Variants in LRRC4C observed in about 807,000 individuals in gnomAD.
LRRC4C encodes the protein leucine-rich repeat-containing protein 4C.
LRRC4C carries 5 observed loss-of-function variants against 33.6 expected under a neutral mutation model. That is an observed-to-expected ratio of 0.15 (90% CI 0.08 to 0.31). The LOEUF (loss-of-function observed/expected upper bound fraction) is 0.31, where lower values mean the gene tolerates loss of function less well. Ranked by LOEUF, LRRC4C falls within the 10% of genes least tolerant of loss-of-function variation. LRRC4C has a pLI of 1.00. For synonymous variants in LRRC4C, 329 were observed against 302.0 expected (o/e 1.09, Z -0.93); for missense variants, 560 against 796.7 (o/e 0.70, Z 3.58).
chr11:41,247,685 G>A lies in LRRC4C; in HGVS notation c.-496+211746C>T, dbSNP rs1396416718. Among the ~76,000 whole-genome samples the A allele has an allele frequency of 2.0e-5, 3 of 152,282 alleles. No individual in the cohort carries two copies. In the South Asian group the frequency reaches 6.2e-4, roughly 32 times the overall value. On this transcript the variant is annotated intron_variant, in intron 1 of 6. Transcript: ENST00000528697. ...GTTCACTTTTTAGAAGGGAACATTT[G>A]TCTGCATTTCAGTCAACAACAAACC... is the stretch of plus-strand genomic sequence containing the variant.
At chr11:40,926,339 A>G (rs2136414975) in intron 2 of LRRC4C, among the ~76,000 whole-genome samples, 1 of 152,316 alleles carries the variant, frequency 6.6e-6, no homozygotes, top group Non-Finnish European at 1.5e-5. Flanking sequence ...ACAAAAATGG[A>G]CAACTAATGA....
At chr11:40,937,946 T>C (rs994831046) in intron 1 of LRRC4C, among the ~76,000 whole-genome samples, 2 of 152,120 alleles carry the variant, frequency 1.3e-5, no homozygotes, top group Non-Finnish European at 2.9e-5. Context: ...TGTGAGCTCC[T>C]GCACCCAGCC....
intron 1 of LRRC4C, among the ~76,000 whole-genome samples, chr11:41,427,283 T>C (rs895364801): frequency 6.6e-6 from 1 of 152,174 alleles, no homozygotes; most frequent in African/African-American, 2.4e-5. Context: ...TGCTGGTTTA[T>C]TTTTTAAGTA....
chr11:40,359,635 G>C (rs1947856400), intron 3 of LRRC4C, among the ~76,000 whole-genome samples: 1 of 152,114 alleles, frequency 6.6e-6, no homozygotes, highest in Non-Finnish European at 1.5e-5. Flanking sequence ...CTTAGGCATA[G>C]CTGTATGAGA....
At chr11:41,156,602 T>C (rs1944242562) in intron 1 of LRRC4C, among the ~76,000 whole-genome samples, 2 of 152,066 alleles carry the variant, frequency 1.3e-5, no homozygotes, top group Non-Finnish European at 2.9e-5. Context: ...ACAGAAAAAG[T>C]GCCCTAGAGC....
intron 3 of LRRC4C, among the ~76,000 whole-genome samples, chr11:40,643,012 G>T (rs959241937): frequency 2.0e-5 from 3 of 152,250 alleles, no homozygotes; most frequent in Admixed American, 2.0e-4. Flanking sequence ...TTGGAAAAAT[G>T]CTTAAGAGGA....
chr11:40,804,630 C>T (rs1190866221), intron 2 of LRRC4C, among the ~76,000 whole-genome samples: 1 of 152,114 alleles, frequency 6.6e-6, no homozygotes, highest in Admixed American at 6.6e-5. Flanking sequence ...TTCTTATTAC[C>T]CAGTTGAACT....
intron 1 of LRRC4C, among the ~76,000 whole-genome samples, chr11:40,976,476 C>T (rs1034496751): frequency 2.0e-5 from 3 of 152,124 alleles, no homozygotes; most frequent in Non-Finnish European, 2.9e-5. Flanking sequence ...TGTTTGTCAC[C>T]AGCGTGATGC....
chr11:41,021,198 A>T (rs866514097), intron 1 of LRRC4C, among the ~76,000 whole-genome samples: 2,511 of 34,522 alleles, frequency 0.073, 115 homozygotes, highest in African/African-American at 0.17. Context: ...AGAGAGAGAG[A>T]GAGAGAGAGA....
At position 40,684,841 on chromosome 11, in the gene LRRC4C, A is replaced by G. The variant is rs371616034; in HGVS notation, c.-406-36563T>C. On this transcript the variant is annotated intron_variant, in intron 2 of 6. Transcript: ENST00000528697. ...AAAATAAGGAGCTAAAATAAGCTCA[A>G]ACTAGCATTCTATATTATTTCTCAT... Among the ~76,000 whole-genome samples, 47 of 152,160 alleles carry G rather than the reference A, an allele frequency of 3.1e-4. No individual in the cohort carries two copies. In the South Asian group the frequency reaches 9.1e-3, roughly 30 times the overall value.
At chr11:40,835,049 C>T (rs991489658) in intron 2 of LRRC4C, among the ~76,000 whole-genome samples, 3 of 152,000 alleles carry the variant, frequency 2.0e-5, no homozygotes, top group Admixed American at 6.6e-5. Flanking sequence ...ATGCAACACA[C>T]GGTGTCCCAA....
chr11:40,949,678 T>G (rs982933669), intron 1 of LRRC4C, among the ~76,000 whole-genome samples: 4 of 151,998 alleles, frequency 2.6e-5, no homozygotes, highest in Non-Finnish European at 4.4e-5. Flanking sequence ...AGAGATTTTG[T>G]CACCACCAGG....
In LRRC4C at chr11:40,262,630, C is replaced by T. The variant is rs551280887; in HGVS notation, c.-175-21032G>A. ...GGATAAAGAACATGTGGCACATATA[C>T]ACCATGGAATACTATGCAGCCATAA... On this transcript the variant is annotated intron_variant, in intron 4 of 6. Transcript: ENST00000528697. Among the ~76,000 whole-genome samples the T allele has an allele frequency of 1.4e-3, 212 of 152,332 alleles. 2 individuals are homozygous for T. Among genetic ancestry groups the T allele is most frequent in the African/African-American group, 4.8e-3 (201 of 41,580 alleles).
chr11:41,075,183 C>A (rs371100745), intron 1 of LRRC4C, among the ~76,000 whole-genome samples: 1 of 151,854 alleles, frequency 6.6e-6, no homozygotes, highest in Non-Finnish European at 1.5e-5. Flanking sequence ...TTAGGCTCAA[C>A]GGTCACTTTG....
At chr11:40,922,120 G>A (rs1234139845) in intron 2 of LRRC4C, among the ~76,000 whole-genome samples, 1 of 152,072 alleles carries the variant, frequency 6.6e-6, no homozygotes, top group Non-Finnish European at 1.5e-5. Flanking sequence ...AGATATGTGT[G>A]ATTCAGCACT....
At chr11:40,813,454 C>T (rs1002520048) in intron 2 of LRRC4C, among the ~76,000 whole-genome samples, 18 of 152,000 alleles carry the variant, frequency 1.2e-4, no homozygotes, top group African/African-American at 4.4e-4. Context: ...GGGAAAACTG[C>T]CCCATGATTC....
intron 1 of LRRC4C, among the ~76,000 whole-genome samples, chr11:41,086,569 T>TA (rs1354441652): frequency 2.0e-5 from 3 of 152,132 alleles, no homozygotes; most frequent in Non-Finnish European, 1.5e-5. Flanking sequence ...TTTAGGAATC[T>TA]AAAATATTCA....
chr11:41,106,088 G>A (rs188440545), intron 1 of LRRC4C, among the ~76,000 whole-genome samples: 418 of 152,168 alleles, frequency 2.7e-3, no homozygotes, highest in African/African-American at 8.8e-3. Flanking sequence ...CAGGAATGGA[G>A]AGGTTAAGTT....
chr11:41,255,733 A>T (rs1591076678), intron 1 of LRRC4C, among the ~76,000 whole-genome samples: 1 of 53,208 alleles, frequency 1.9e-5, no homozygotes, highest in Admixed American at 2.8e-4. Flanking sequence ...CATATTATGT[A>T]AAAAAAAATT....
Sources: allele counts gnomAD v4.1 joint callset (sites outside exome capture counted in the v4.1 genomes callset), GRCh38; gene constraint gnomAD v4.1.1; transcripts MANE v1.5; gene names NCBI Gene and HGNC (gene_info 2026-07-23, HGNC 2026-07-21).